The following ADGRD1 variants were observed in gnomAD, a reference collection of about 807,000 sequenced individuals.
ADGRD1 encodes the protein G-protein coupled receptor 133.
In ADGRD1, 77 loss-of-function variants were observed where a neutral mutation model predicts 113.4. That is an observed-to-expected ratio of 0.68 (90% confidence interval 0.57 to 0.82). The LOEUF (loss-of-function observed/expected upper bound fraction) is 0.82. Ranked by LOEUF, ADGRD1 falls within the 40% of genes least tolerant of loss-of-function variation. The probability of loss-of-function intolerance (pLI) is 0.00; values close to 1 mark genes in which losing one functional copy is unlikely to be tolerated. For synonymous variants in ADGRD1, 474 were observed against 475.0 expected, an observed-to-expected ratio of 1.00 and a Z score of 0.03; for missense variants, 1,036 against 1,139.1, an observed-to-expected ratio of 0.91 and a Z score of 1.30.
chr12:131,008,095 A>G (rs911947592), intron 12 of ADGRD1, among the ~76,000 whole-genome samples: 3 of 152,196 alleles, frequency 2.0e-5, no homozygotes, highest in Non-Finnish European at 2.9e-5. Flanking sequence ...TAATAATAGC[A>G]CTGATTTCTG....
chr12:131,137,208 C>T, intron 23 of ADGRD1, 194 bp downstream of exon 23: 1 of 621,264 alleles, frequency 1.6e-6, no homozygotes, highest in East Asian at 2.7e-5. Flanking sequence ...CGCCTAGTTG[C>T]TAAGCGATAT....
At chr12:131,021,709 C>A (rs1398310138) in intron 13 of ADGRD1, among the ~76,000 whole-genome samples, 5 of 152,132 alleles carry the variant, frequency 3.3e-5, no homozygotes, top group Non-Finnish European at 5.9e-5. Context: ...TCCTGATCTT[C>A]CATTTTTTCT....
rs376965485 is a variant in ADGRD1 at position 131,057,535 on chromosome 12, C to T, written c.1474-19266C>T. Among the ~76,000 whole-genome samples, 6 of 152,288 alleles carry T rather than the reference C, an allele frequency of 3.9e-5. No homozygotes were observed. Among genetic ancestry groups the T allele is most frequent in the Admixed American group, 2.0e-4 (3 of 15,306 alleles). On this transcript the variant is annotated intron_variant, in intron 13 of 24. Coordinates refer to ENST00000261654, the MANE Select transcript of ADGRD1 (RefSeq NM_198827.5). The surrounding 1 kb of genome is among the most constrained non-coding windows in gnomAD (Gnocchi z 4.2). ...TGGAGGCTCAGCGGGAACGTCCACCCCTGCCTGTCTCCTAGTAGTCCTGGC... is the reference window on the plus strand; with the variant it reads ...TGGAGGCTCAGCGGGAACGTCCACCTCTGCCTGTCTCCTAGTAGTCCTGGC...
Position 130,964,546 on chromosome 12 carries a change from A to G in ADGRD1, c.104-1917A>G, listed in dbSNP as rs1195749. 6.5e-3 allele frequency among the ~76,000 whole-genome samples: 987 copies of G among 152,136 alleles called. 8 individuals are homozygous for G. The highest frequency in any genetic ancestry group is 0.022 in the African/African-American group (928 of 41,494). On this transcript the variant is annotated intron_variant, in intron 2 of 24. Coordinates refer to ENST00000261654, the MANE Select transcript of ADGRD1 (RefSeq NM_198827.5). ...ACTAAAAATACAAAAATTGCCGGGC[A>G]TGGTGGTCGGTGCCTGTAATCCCAG... is the stretch of plus-strand genomic sequence containing the variant.
At position 130,994,323 on chromosome 12, in the gene ADGRD1, G is replaced by T. The variant is rs181564316; in HGVS notation, c.966+1931G>T. The T allele has an allele frequency of 5.7e-5, 24 of 423,730 alleles. 1 individual carries two copies. Among genetic ancestry groups the T allele is most frequent in the South Asian group, 3.5e-4 (21 of 59,702 alleles). The allele number at this position is 423,730 out of a possible 1,614,324, so 26.2% of individuals were successfully genotyped here. A position where few individuals can be genotyped will look rare whatever the true frequency, so the allele number is the denominator to read the frequency against. ...TTTTTGTTGAGATGGGCTACAAGGG[G>T]TGACTGTGGCAGGCGGTGCCTTCTA... is the stretch of plus-strand genomic sequence containing the variant. On this transcript the variant is annotated intron_variant, in intron 8 of 24. Transcript: ENST00000261654.
chr12:130,973,586 G>T (rs768294206), intron 4 of ADGRD1, among the ~76,000 whole-genome samples: 1 of 152,116 alleles, frequency 6.6e-6, no homozygotes, highest in Non-Finnish European at 1.5e-5. Context: ...GCATACCCTT[G>T]TTGAGCCCCG....
chr12:130,962,338 T>C (rs1870459558), intron 2 of ADGRD1: 1 of 152,268 alleles, frequency 6.6e-6, no homozygotes, highest in Non-Finnish European at 1.5e-5. Context: ...CACTTTACTC[T>C]GTCAGCCTTT....
intron 13 of ADGRD1, among the ~76,000 whole-genome samples, chr12:131,038,073 A>G (rs1164604627): frequency 4.6e-5 from 7 of 150,626 alleles, no homozygotes. Context: ...CACTCACTAC[A>G]CCAGTTCTCA....
intron 17 of ADGRD1, among the ~76,000 whole-genome samples, chr12:131,107,990 C>G (rs1426990106): frequency 6.6e-6 from 1 of 152,156 alleles, no homozygotes; most frequent in Non-Finnish European, 1.5e-5. Flanking sequence ...TTCCCAGCAC[C>G]TGGACTCACA....
rs1565976192 is a variant in ADGRD1 at position 130,954,473 on chromosome 12, A to G, written c.8A>G (p.Lys3Arg). The change falls in exon 1 of 25, where the codon AAG (lysine) becomes AGG (arginine). Residue 3 changes from lysine to arginine, a missense_variant. Coordinates refer to ENST00000261654, the MANE Select transcript of ADGRD1 (RefSeq NM_198827.5). This position sits in a 1 kb window ranked among gnomAD's most constrained non-coding sequence, Gnocchi z 4.7. Reference protein sequence around the residue: MEKLLRLCCWYSW... With the variant: MERLLRLCCWYSW... The stretch of plus-strand genomic sequence containing the variant: ...TTGACCTCCGAGAGAGCCATGGAAA[A>G]GCTGCTGCGGCTGTGCTGCTGGTAC... 1 of 1,541,720 alleles carries G rather than the reference A, an allele frequency of 6.5e-7. No individual in the cohort carries two copies. Among genetic ancestry groups the G allele is most frequent in the Admixed American group, 2.0e-5 (1 of 50,464 alleles).
intron 2 of ADGRD1, among the ~76,000 whole-genome samples, chr12:130,963,461 A>G (rs1172109915): frequency 2.0e-5 from 3 of 152,110 alleles, no homozygotes; most frequent in Non-Finnish European, 4.4e-5. Flanking sequence ...TGGTTTCTGC[A>G]GTATCTCTCC....
At chr12:131,011,222 G>A (rs1343885049) in intron 12 of ADGRD1, among the ~76,000 whole-genome samples, 1 of 146,870 alleles carries the variant, frequency 6.8e-6, no homozygotes, top group African/African-American at 2.5e-5. Flanking sequence ...CACCTTTACT[G>A]GAGGAAAATG....
chr12:131,066,646 A>AGCAGGCAGACAG, intron 13 of ADGRD1, among the ~76,000 whole-genome samples: 1 of 152,334 alleles, frequency 6.6e-6, no homozygotes, highest in Non-Finnish European at 1.5e-5. Flanking sequence ...GGAGGTGACA[A>AGCAGGCAGACAG]GCAGGCAGAC....
intron 13 of ADGRD1, among the ~76,000 whole-genome samples, chr12:131,074,415 C>T (rs1400458848): frequency 6.6e-6 from 1 of 152,214 alleles, no homozygotes; most frequent in African/African-American, 2.4e-5. Flanking sequence ...TGCGGCTGTC[C>T]CCCAACACTG....
chr12:131,009,479 CT>C (rs1474265185), intron 12 of ADGRD1, among the ~76,000 whole-genome samples: 1 of 152,152 alleles, frequency 6.6e-6, no homozygotes, highest in East Asian at 1.9e-4. Context: ...ATTAGAGCAT[CT>C]TGTAGGGTCC....
At chr12:130,995,500 C>T (rs555092507) in intron 8 of ADGRD1, among the ~76,000 whole-genome samples, 160 of 152,314 alleles carry the variant, frequency 1.1e-3, no homozygotes, top group Admixed American at 1.8e-3. Flanking sequence ...CATGTGGCTT[C>T]AGGGGCCAAA....
intron 13 of ADGRD1, among the ~76,000 whole-genome samples, chr12:131,030,330 A>C (rs111245889): frequency 0.049 from 7,462 of 151,728 alleles, 382 homozygotes; most frequent in African/African-American, 0.12. Context: ...GTGTTTTGTC[A>C]GCTGCAGAGG....
intron 20 of ADGRD1, among the ~76,000 whole-genome samples, chr12:131,129,230 A>G (rs1266409614): frequency 1.0e-5 from 1 of 100,354 alleles, no homozygotes; most frequent in Non-Finnish European, 1.9e-5. Context: ...TCTGGGTGTG[A>G]GTGACAGGCC....
At chr12:131,015,983 C>T (rs955912201) in intron 13 of ADGRD1, among the ~76,000 whole-genome samples, 1 of 152,340 alleles carries the variant, frequency 6.6e-6, no homozygotes, top group Non-Finnish European at 1.5e-5. Context: ...CTTTCCCGCC[C>T]GGCTTTCCAT....
Sources: allele counts gnomAD v4.1 joint callset (sites outside exome capture counted in the v4.1 genomes callset), GRCh38; gene constraint gnomAD v4.1.1; non-coding constraint Gnocchi (gnomAD v3.1); transcripts MANE v1.5; gene names NCBI Gene and HGNC (gene_info 2026-07-23, HGNC 2026-07-21).